The following ST8SIA6 variants were observed in gnomAD, a reference collection of about 807,000 sequenced individuals.
ST8SIA6 encodes ST8 alpha-N-acetyl-neuraminide alpha-2,8-sialyltransferase 6, also known as alpha-2,8-sialyltransferase 8F.
ST8SIA6 carries 39 observed loss-of-function variants against 33.6 expected under a neutral mutation model. That is an observed-to-expected ratio of 1.16 (90% CI 0.90 to 1.52). The LOEUF is 1.52. Ranked by LOEUF, ST8SIA6 falls within the 40% of genes most tolerant of loss-of-function variation. ST8SIA6 has a pLI of 0.00. For missense variants in ST8SIA6, 441 were observed against 443.8 expected (o/e 0.99, Z 0.06); for synonymous variants, 172 against 167.2 (o/e 1.03, Z -0.22).
chr10:17,407,851 T>G (rs17141017), intron 2 of ST8SIA6: 4,952 of 152,414 alleles, frequency 0.032, 84 homozygotes, highest in South Asian at 0.055. Flanking sequence ...CAAGAAATGT[T>G]GGACTGTCTC....
chr10:17,447,773 AC>A (rs1160328758), intron 2 of ST8SIA6, among the ~76,000 whole-genome samples: 3 of 152,128 alleles, frequency 2.0e-5, no homozygotes, highest in Non-Finnish European at 4.4e-5. Flanking sequence ...TTGCCACATG[AC>A]CCCAAAAACT....
intron 3 of ST8SIA6, among the ~76,000 whole-genome samples, chr10:17,375,546 A>C (rs546443826): frequency 6.6e-6 from 1 of 152,366 alleles, no homozygotes; most frequent in Admixed American, 6.5e-5. Flanking sequence ...CATATCTTTC[A>C]GAAAATTCAA....
intron 2 of ST8SIA6, among the ~76,000 whole-genome samples, chr10:17,424,625 T>C (rs1851877598): frequency 6.6e-6 from 1 of 152,208 alleles, no homozygotes; most frequent in African/African-American, 2.4e-5. Context: ...ATGAGATTTC[T>C]TCTCACTCCA....
At chr10:17,453,692 C>A (rs954812272) in intron 1 of ST8SIA6, 35 bp from the exon 2 acceptor site, 1 of 1,266,806 alleles carries the variant, frequency 7.9e-7, no homozygotes, top group Non-Finnish European at 1.0e-6. Context: ...AGTTGCTACA[C>A]CCCGCCGGGA....
chr10:17,336,940 G>A (rs1848518101), intron 4 of ST8SIA6, among the ~76,000 whole-genome samples: 1 of 152,014 alleles, frequency 6.6e-6, no homozygotes, highest in South Asian at 2.1e-4. Context: ...GCCTAAATGT[G>A]TTTTGAGATT....
intron 4 of ST8SIA6, among the ~76,000 whole-genome samples, chr10:17,346,484 C>A (rs1848838195): frequency 6.6e-6 from 1 of 152,136 alleles, no homozygotes; most frequent in Non-Finnish European, 1.5e-5. Context: ...GTCCCAGCTA[C>A]TCAGGAGGCT....
At chr10:17,325,163 A>G (rs903523516) in intron 6 of ST8SIA6, among the ~76,000 whole-genome samples, 8 of 136,348 alleles carry the variant, frequency 5.9e-5, no homozygotes, top group Non-Finnish European at 1.6e-5. Flanking sequence ...ATTGTTATAT[A>G]ATATGTACAT....
chr10:17,319,004 A>G lies in ST8SIA6; in HGVS notation c.*1874T>C, dbSNP rs1209576645. Among the ~76,000 whole-genome samples the G allele has an allele frequency of 1.3e-5, 2 of 152,188 alleles. No individual in the cohort carries two copies. The highest frequency in any genetic ancestry group is 2.9e-5 in the Non-Finnish European group (2 of 68,032). On this transcript the variant is annotated 3_prime_UTR_variant, in exon 8 of 8. Transcript: ENST00000377602. ...CTTTTACTCCCTTTAGTTCTCTGCA[A>G]CACACTGACTATGCTAGAAAGAGAG...
intron 2 of ST8SIA6, among the ~76,000 whole-genome samples, chr10:17,437,082 G>A (rs886165099): frequency 6.6e-6 from 1 of 152,108 alleles, no homozygotes; most frequent in African/African-American, 2.4e-5. Context: ...CTGTGTGTAT[G>A]CCCCAAATTG....
chr10:17,381,752 T>C (rs1850159613), intron 3 of ST8SIA6, among the ~76,000 whole-genome samples: 1 of 152,234 alleles, frequency 6.6e-6, no homozygotes, highest in Admixed American at 6.5e-5. Flanking sequence ...TCTTTGCTTG[T>C]GTAATTTTTA....
intron 6 of ST8SIA6, among the ~76,000 whole-genome samples, chr10:17,325,237 A>G (rs1407465844): frequency 7.0e-6 from 1 of 143,466 alleles, no homozygotes; most frequent in African/African-American, 2.5e-5. Flanking sequence ...AGTATATTAT[A>G]TAGTATACAA....
intron 4 of ST8SIA6, among the ~76,000 whole-genome samples, chr10:17,358,817 CG>C (rs1241874658): frequency 2.0e-5 from 3 of 151,916 alleles, no homozygotes; most frequent in African/African-American, 7.3e-5. Flanking sequence ...AAAGAAGCCC[CG>C]CCCCCCAAAA....
In ST8SIA6 at chr10:17,454,169, C is replaced by T; in HGVS notation, c.87G>A (p.Ala29=). 1 of 278,342 alleles carries T rather than the reference C, an allele frequency of 3.6e-6. No homozygotes were observed. The highest frequency in any genetic ancestry group is 6.6e-6 in the Non-Finnish European group (1 of 151,594). 17.2% of individuals were successfully genotyped at this position (278,342 alleles called of 1,614,324 possible). ...GGGTGGGTTACCTGGCGCGGCCGGG[C>T]GCGTCTGCCGGGCACCAGAGCAGGC... ...LLRLLWCPAD[A]PGRARILVEE... is the part of the protein sequence containing the mutation. Residue 29 remains alanine (A), a synonymous_variant, in exon 1 of 8, where the codon GCG becomes GCA. Coordinates refer to ENST00000377602, the MANE Select transcript of ST8SIA6 (RefSeq NM_001004470.3). This position sits in a 1 kb window ranked among gnomAD's most constrained non-coding sequence, Gnocchi z 4.1.
intron 2 of ST8SIA6, among the ~76,000 whole-genome samples, chr10:17,402,504 C>T (rs1851084030): frequency 6.6e-6 from 1 of 152,156 alleles, no homozygotes; most frequent in South Asian, 2.1e-4. Context: ...GCACTATTCA[C>T]AATAGCAAAG....
chr10:17,323,438 C>T (rs1202360064), intron 6 of ST8SIA6, among the ~76,000 whole-genome samples: 3 of 134,428 alleles, frequency 2.2e-5, no homozygotes, highest in Non-Finnish European at 4.6e-5. Context: ...GCTCTGTTGC[C>T]TAGGCTGGAG....
intron 7 of ST8SIA6, among the ~76,000 whole-genome samples, 153 bp from the exon 8 acceptor site, chr10:17,321,499 A>T (rs1332535942): frequency 6.6e-6 from 1 of 152,216 alleles, no homozygotes; most frequent in Non-Finnish European, 1.5e-5. Flanking sequence ...GAGAAAACTC[A>T]TTCAAGTAAG....
At chr10:17,389,201 C>G (rs925697689) in intron 3 of ST8SIA6, among the ~76,000 whole-genome samples, 1 of 152,108 alleles carries the variant, frequency 6.6e-6, no homozygotes, top group East Asian at 1.9e-4. Flanking sequence ...CTCTGATCCC[C>G]GATCCAACGC....
At chr10:17,426,397 C>T (rs1004173394) in intron 2 of ST8SIA6, among the ~76,000 whole-genome samples, 2 of 152,208 alleles carry the variant, frequency 1.3e-5, no homozygotes, top group African/African-American at 4.8e-5. Context: ...CAAGTTTTTA[C>T]ATGGCTAACT....
intron 5 of ST8SIA6, among the ~76,000 whole-genome samples, chr10:17,328,666 T>C (rs1398167109): frequency 6.6e-6 from 1 of 152,214 alleles, no homozygotes; most frequent in Admixed American, 6.5e-5. Context: ...TGATCTTGTG[T>C]AGTGCAATGT....
Sources: gnomAD v4.1 joint callset for allele counts (sites outside exome capture counted in the v4.1 genomes callset) on GRCh38, gnomAD v4.1.1 for gene constraint, Gnocchi (gnomAD v3.1) non-coding constraint, MANE v1.5 for transcripts, NCBI Gene and HGNC (gene_info 2026-07-23, HGNC 2026-07-21) for gene names.